GLI3: variants seen among roughly 807,000 people sequenced by gnomAD.
The protein encoded by GLI3 is GLI family zinc finger 3, also known as transcription activator GLI3.
In GLI3, 20 loss-of-function variants were observed where a neutral mutation model predicts 100.8. The observed-to-expected ratio is 0.20, with a 90% CI of 0.14 to 0.29. GLI3 has a LOEUF of 0.29. Among genes scored for constraint, GLI3 ranks in the 10% least tolerant of loss-of-function variants. The probability of loss-of-function intolerance (pLI) is 1.00; values close to 1 mark genes in which losing one functional copy is unlikely to be tolerated. For missense variants in GLI3, 2,040 were observed against 2,128.5 expected (o/e 0.96, Z 0.82); for synonymous variants, 938 against 860.5 (o/e 1.09, Z -1.58).
chr7:42,239,067 A>G (rs967954289), upstream of GLI3, among the ~76,000 whole-genome samples: 10 of 152,260 alleles, frequency 6.6e-5, no homozygotes, highest in Admixed American at 2.0e-4. Context: ...ACAAGTGCAG[A>G]GACAGACTTA....
At chr7:42,003,389 T>C (rs550469048) in intron 10 of GLI3, among the ~76,000 whole-genome samples, 1 of 152,110 alleles carries the variant, frequency 6.6e-6, no homozygotes, top group East Asian at 1.9e-4. Flanking sequence ...ACAATTAAAA[T>C]TTAACATAGC....
At chr7:42,248,280 A>T (rs1788995354) in intron 1 of GLI3, among the ~76,000 whole-genome samples, 1 of 152,332 alleles carries the variant, frequency 6.6e-6, no homozygotes, top group South Asian at 2.1e-4. Flanking sequence ...TCCTATAGGG[A>T]CAGTGCCATA....
chr7:41,977,415 C>G, intron 12 of GLI3, 143 bp downstream of exon 12: 1 of 823,036 alleles, frequency 1.2e-6, no homozygotes, highest in Non-Finnish European at 2.0e-6. Context: ...AAGCTCAAGC[C>G]TTCACCTGCA....
At chr7:41,983,767 G>A (rs946422513) in intron 10 of GLI3, among the ~76,000 whole-genome samples, 5 of 152,126 alleles carry the variant, frequency 3.3e-5, no homozygotes, top group African/African-American at 9.7e-5. Context: ...CAGGACATCA[G>A]GACCAGGAAA....
chr7:42,237,009 T>C lies in GLI3; in HGVS notation c.-81A>G, dbSNP rs1346945171. The C allele has an allele frequency of 1.3e-5, 2 of 150,952 alleles. No homozygotes were observed. Among genetic ancestry groups the C allele is most frequent in the Admixed American group, 6.6e-5 (1 of 15,184 alleles). The allele number at this position is 150,952 out of a possible 1,614,324, so 9.4% of individuals were successfully genotyped here. On this transcript the variant is annotated 5_prime_UTR_variant, in exon 1 of 15. The change abolishes an upstream ATG in the 5' untranslated region. Transcript: ENST00000395925. ...GGCTGTCAAGTCCCCGAACTTCCCA[T>C]AGACCCGCGGACGGGGCGCAGGCTG...
intron 3 of GLI3, among the ~76,000 whole-genome samples, chr7:42,144,755 T>A (rs192027706): frequency 2.6e-5 from 4 of 152,246 alleles, no homozygotes; most frequent in Admixed American, 2.0e-4. Context: ...AGTTCATATA[T>A]ATAGAAACAC....
intron 2 of GLI3, among the ~76,000 whole-genome samples, chr7:42,219,199 T>C (rs947681085): frequency 6.6e-6 from 1 of 152,204 alleles, no homozygotes; most frequent in African/African-American, 2.4e-5. Context: ...AGCCAATATG[T>C]GAAATGCCAC....
At chr7:42,087,714 CTT>C (rs10574635) in intron 3 of GLI3, among the ~76,000 whole-genome samples, 2,979 of 145,794 alleles carry the variant, frequency 0.02, 68 homozygotes, top group African/African-American at 0.058. Flanking sequence ...CCACCACCTA[CTT>C]TTTTTTTTTT....
At position 41,961,880 on chromosome 7, in the gene GLI3, C is replaced by T. The variant is rs905367105; in HGVS notation, c.*2450G>A. ...TTCTTCCTCCCTCCTCTCCTCTGTC[C>T]TTCTGAAATTTCCATATTGAGAGAA... On this transcript the variant is annotated 3_prime_UTR_variant, in exon 15 of 15. Transcript: ENST00000395925. 1 of 152,102 alleles carries T rather than the reference C, an allele frequency of 6.6e-6. No individual in the cohort carries two copies. Among genetic ancestry groups the T allele is most frequent in the Non-Finnish European group, 1.5e-5 (1 of 68,024 alleles). 9.4% of individuals were successfully genotyped at this position (152,102 alleles called of 1,614,324 possible).
At chr7:42,208,113 C>T (rs1352016271) in intron 2 of GLI3, among the ~76,000 whole-genome samples, 5 of 152,124 alleles carry the variant, frequency 3.3e-5, no homozygotes, top group Non-Finnish European at 5.9e-5. Flanking sequence ...GAGCCGAGAT[C>T]GCACCACTGC....
intron 2 of GLI3, among the ~76,000 whole-genome samples, chr7:42,221,796 C>T (rs943978867): frequency 2.0e-5 from 3 of 152,104 alleles, no homozygotes; most frequent in African/African-American, 7.2e-5. Context: ...CTTCTATAAC[C>T]ACATTGGATG....
intron 2 of GLI3, among the ~76,000 whole-genome samples, chr7:42,176,211 T>C (rs551612513): frequency 6.6e-6 from 1 of 152,246 alleles, no homozygotes; most frequent in South Asian, 2.1e-4. Flanking sequence ...CCCCATATGC[T>C]GGTGCTGACC....
chr7:42,006,613 G>T (rs1484279935), intron 10 of GLI3, among the ~76,000 whole-genome samples: 1 of 152,184 alleles, frequency 6.6e-6, no homozygotes, highest in East Asian at 1.9e-4. Flanking sequence ...AGGCCCAAAA[G>T]GCTCTGACAA....
intron 2 of GLI3, among the ~76,000 whole-genome samples, chr7:42,184,930 C>G (rs1266305082): frequency 1.3e-5 from 2 of 152,292 alleles, no homozygotes; most frequent in Middle Eastern, 3.4e-3. Context: ...TGCTCCTCCC[C>G]TCTCTTCCCC....
chr7:42,225,486 A>G (rs1788564817), intron 1 of GLI3, among the ~76,000 whole-genome samples: 1 of 152,094 alleles, frequency 6.6e-6, no homozygotes, highest in African/African-American at 2.4e-5. Flanking sequence ...CAGCCTCCCA[A>G]GTAGCTGGGA....
chr7:42,005,278 A>T (rs376535759), intron 10 of GLI3, among the ~76,000 whole-genome samples: 1 of 152,112 alleles, frequency 6.6e-6, no homozygotes, highest in African/African-American at 2.4e-5. Flanking sequence ...AAGCCTCATT[A>T]TGTTCCCCTT....
intron 3 of GLI3, among the ~76,000 whole-genome samples, chr7:42,132,577 A>G (rs937477865): frequency 2.6e-5 from 4 of 152,232 alleles, no homozygotes; most frequent in Non-Finnish European, 4.4e-5. Flanking sequence ...TATAGAAAAA[A>G]AAAGTTTGGC....
chr7:41,985,510 C>T (rs538804628), intron 10 of GLI3, among the ~76,000 whole-genome samples: 2 of 151,986 alleles, frequency 1.3e-5, no homozygotes, highest in South Asian at 4.2e-4. Flanking sequence ...TAGTATTACT[C>T]TTTAGGTAGT....
chr7:42,255,258 A>G (rs1405807565), intron 1 of GLI3, among the ~76,000 whole-genome samples: 1 of 152,060 alleles, frequency 6.6e-6, no homozygotes. Flanking sequence ...CTCTCCATCT[A>G]ATTTGGTCAT....
Sources: allele counts gnomAD v4.1 joint callset (sites outside exome capture counted in the v4.1 genomes callset), GRCh38; gene constraint gnomAD v4.1.1; transcripts MANE v1.5; gene names NCBI Gene and HGNC (gene_info 2026-07-23, HGNC 2026-07-21).